The following ZSCAN2 variants were observed in gnomAD, a reference collection of about 807,000 sequenced individuals.
ZSCAN2 encodes the protein zinc finger and SCAN domain-containing protein 2.
A neutral mutation model predicts 47.8 loss-of-function variants in ZSCAN2; 26 were observed. That is an observed-to-expected ratio of 0.54 (90% CI 0.40 to 0.75). The LOEUF is 0.75. Ranked by LOEUF, ZSCAN2 falls within the 30% of genes least tolerant of loss-of-function variation. ZSCAN2 has a pLI of 0.00. For missense variants in ZSCAN2, 732 were observed against 785.4 expected (o/e 0.93, Z 0.81); for synonymous variants, 305 against 288.7 (o/e 1.06, Z -0.57).
chr15:84,604,483 A>C, intron 2 of ZSCAN2, 150 bp downstream of exon 2: 1 of 1,050,738 alleles, frequency 9.5e-7, no homozygotes, highest in Non-Finnish European at 1.3e-6. Flanking sequence ...CAGCGTGTTC[A>C]TCAGCCTTTT....
rs779038495 is a variant in ZSCAN2, at chr15:84,621,255, G to C, written c.1060G>C (p.Gly354Arg). ...GNRSSLNTHQ[G>R]IHTGEKPYEC... is the part of the protein sequence containing the mutation. ...CCGATCCAGCCTTAACACGCATCAGGGGATCCACACTGGAGAAAAGCCCTA... is the reference window on the plus strand; with the variant it reads ...CCGATCCAGCCTTAACACGCATCAGCGGATCCACACTGGAGAAAAGCCCTA... Residue 354 changes from glycine to arginine, a missense_variant, in exon 3 of 3, where the codon GGG (glycine) becomes CGG (arginine). Transcript: ENST00000546148. This position sits in a 1 kb window ranked among gnomAD's most constrained non-coding sequence, Gnocchi z 5.7. 6.2e-7 allele frequency: 1 copy of C among 1,613,044 alleles called. No individual in the cohort carries two copies. Among genetic ancestry groups the C allele is most frequent in the Non-Finnish European group, 8.5e-7 (1 of 1,179,764 alleles).
chr15:84,615,754 G>A (rs1895676610), intron 2 of ZSCAN2, among the ~76,000 whole-genome samples: 1 of 151,874 alleles, frequency 6.6e-6, no homozygotes, highest in South Asian at 2.1e-4. Context: ...TATTCCCATT[G>A]CGCTCCTTTT....
intron 2 of ZSCAN2, chr15:84,616,393 C>G (rs774768470): frequency 1.2e-6 from 2 of 1,602,676 alleles, no homozygotes; most frequent in Admixed American, 3.5e-5. Flanking sequence ...AAGAAGCCAG[C>G]CCTGCTTACC....
rs1567013386 is a variant in ZSCAN2, at chr15:84,621,420, C to T, written c.1225C>T (p.Arg409Trp). The change falls in exon 3 of 3, where the codon CGG becomes TGG. Residue 409 changes from arginine (R) to tryptophan (W), a missense_variant. Arg to Trp is a moderately radical substitution (Grantham distance 101). Transcript: ENST00000546148. This position sits in a 1 kb window ranked among gnomAD's most constrained non-coding sequence, Gnocchi z 5.7. ...FSQSSALITH[R>W]RTHTGEKPYQ... ...CCAGAGTTCAGCCCTCATCACCCAC[C>T]GGAGAACCCACACAGGAGAGAAACC... is the stretch of plus-strand genomic sequence containing the variant. The T allele has an allele frequency of 8.1e-6, 13 of 1,613,800 alleles. No homozygotes were observed. The highest frequency in any genetic ancestry group is 1.1e-5 in the South Asian group (1 of 91,060).
At position 84,622,593 on chromosome 15, in the gene ZSCAN2, C is replaced by G. The variant is rs1483575152; in HGVS notation, c.*553C>G. 1.4e-6 allele frequency: 1 copy of G among 717,108 alleles called. No homozygotes were observed. Among genetic ancestry groups the G allele is most frequent in the Non-Finnish European group, 2.6e-6 (1 of 384,924 alleles). The allele number at this position is 717,108 out of a possible 1,614,324, so 44.4% of individuals were successfully genotyped here. A position where few individuals can be genotyped will look rare whatever the true frequency, so the allele number is the denominator to read the frequency against. On this transcript the variant is annotated 3_prime_UTR_variant, in exon 3 of 3. Transcript: ENST00000546148. ...TTGATTTCAGGTCAAGATGGAGGGG[C>G]TTCTCCAGTTCTGAGTCACCCACGT...
At chr15:84,602,808 C>T (rs766107251) in intron 1 of ZSCAN2, among the ~76,000 whole-genome samples, 5 of 151,852 alleles carry the variant, frequency 3.3e-5, no homozygotes, top group Admixed American at 2.0e-4. Flanking sequence ...AGGCTGGTCT[C>T]GAACTCCTGA....
In ZSCAN2 at chr15:84,622,962, C is replaced by T. The variant is rs1035035072; in HGVS notation, c.*922C>T. On this transcript the variant is annotated 3_prime_UTR_variant, in exon 3 of 3. Transcript: ENST00000546148. ...AGCAGGGTGGGTTTGTGCCTTTGGC[C>T]CAACAGGTACATAGCCCCATAATTT... The T allele has an allele frequency of 2.4e-6, 1 of 418,390 alleles. No individual in the cohort carries two copies. The highest frequency in any genetic ancestry group is 4.4e-6 in the Non-Finnish European group (1 of 229,472). The allele number at this position is 418,390 out of a possible 1,614,324, so 25.9% of individuals were successfully genotyped here. A position where few individuals can be genotyped will look rare whatever the true frequency, so the allele number is the denominator to read the frequency against.
At chr15:84,606,308 G>A in intron 2 of ZSCAN2, 1 of 499,378 alleles carries the variant, frequency 2.0e-6, no homozygotes, top group Non-Finnish European at 3.6e-6. Context: ...AGAATCCTGT[G>A]AGTGGCTGGC....
At chr15:84,606,628 T>G in intron 2 of ZSCAN2, 3 of 1,610,522 alleles carry the variant, frequency 1.9e-6, no homozygotes, top group South Asian at 2.2e-5. Context: ...GATGGAGGGC[T>G]GAGGAGAGGC....
Position 84,620,592 on chromosome 15 carries a change from A to T in ZSCAN2, c.407-10A>T, listed in dbSNP as rs751310504. The T allele has an allele frequency of 6.3e-7, 1 of 1,586,024 alleles. No individual in the cohort carries two copies. The highest frequency in any genetic ancestry group is 8.6e-7 in the Non-Finnish European group (1 of 1,159,500). On this transcript the variant is annotated splice_polypyrimidine_tract_variant and intron_variant, in intron 2 of 2. Coordinates refer to ENST00000546148, the MANE Select transcript of ZSCAN2 (RefSeq NM_181877.4). ...GAGTAGACATTGTATGTTTTTCTTC[A>T]TTGTTTCAGATTTTGAGATACAGAG...
intron 2 of ZSCAN2, among the ~76,000 whole-genome samples, chr15:84,617,582 T>A (rs1476222835): frequency 3.3e-5 from 5 of 152,186 alleles, no homozygotes; most frequent in African/African-American, 1.2e-4. Context: ...ACCCACAGAT[T>A]ACCAGCAGCA....
chr15:84,607,192 C>T (rs1025989562), intron 2 of ZSCAN2, among the ~76,000 whole-genome samples: 3 of 152,184 alleles, frequency 2.0e-5, no homozygotes, highest in Non-Finnish European at 2.9e-5. Context: ...ATACCCAGCC[C>T]TAATCCAGAT....
chr15:84,603,234 C>T lies in ZSCAN2; in HGVS notation c.-108-586C>T, dbSNP rs908354551. ...AGTTGTATGTTAGGTCAAGGTCACA[C>T]AGTGCAAGTCGAAACTGACTTAGGA... On this transcript the variant is annotated intron_variant, in intron 1 of 2. Coordinates refer to ENST00000546148, the MANE Select transcript of ZSCAN2 (RefSeq NM_181877.4). 2.6e-5 allele frequency among the ~76,000 whole-genome samples: 4 copies of T among 152,242 alleles called. No homozygotes were observed. The South Asian group carries it at 8.3e-4, about 32-fold the overall frequency.
At chr15:84,606,334 A>C in intron 2 of ZSCAN2, 1 of 561,524 alleles carries the variant, frequency 1.8e-6, no homozygotes, top group Non-Finnish European at 3.2e-6. Flanking sequence ...CATTTCACAG[A>C]TAGGAAATAT....
intron 2 of ZSCAN2, among the ~76,000 whole-genome samples, chr15:84,610,895 A>C (rs998866599): frequency 6.6e-6 from 1 of 152,246 alleles, no homozygotes; most frequent in Non-Finnish European, 1.5e-5. Context: ...ATGAGTCAAA[A>C]TCCTTGATCT....
chr15:84,608,421 T>C (rs1461389122), intron 2 of ZSCAN2, among the ~76,000 whole-genome samples: 3 of 151,046 alleles, frequency 2.0e-5, no homozygotes, highest in Non-Finnish European at 2.9e-5. Flanking sequence ...TAATCCCAGC[T>C]ACTTGGGAGG....
intron 2 of ZSCAN2, chr15:84,606,717 C>A: frequency 6.9e-7 from 1 of 1,443,430 alleles, no homozygotes; most frequent in South Asian, 1.5e-5. Context: ...TACAGCCCTT[C>A]CCATCCACCT....
At chr15:84,617,546 G>A (rs369517087) in intron 2 of ZSCAN2, among the ~76,000 whole-genome samples, 440 of 152,288 alleles carry the variant, frequency 2.9e-3, no homozygotes, top group African/African-American at 8.8e-3. Context: ...TGATATGAGG[G>A]GTGGGGCTGG....
At chr15:84,602,587 C>CTTTTTTTTCCTTTTCTTTTCTTTTTT (rs1895241524) in intron 1 of ZSCAN2, among the ~76,000 whole-genome samples, 1 of 115,744 alleles carries the variant, frequency 8.6e-6, no homozygotes, top group Non-Finnish European at 1.8e-5. Context: ...CTTTTCTTTT[C>CTTTTTTTTCCTTTTCTTTTCTTTTTT]TTTTTTTTTT....
Sources: allele counts gnomAD v4.1 joint callset (sites outside exome capture counted in the v4.1 genomes callset), GRCh38; gene constraint gnomAD v4.1.1; non-coding constraint Gnocchi (gnomAD v3.1); transcripts MANE v1.5; gene names NCBI Gene and HGNC (gene_info 2026-07-23, HGNC 2026-07-21).